The following KAT2A variants were observed in gnomAD, a reference collection of about 807,000 sequenced individuals.
KAT2A encodes the protein lysine acetyltransferase 2A.
Under a neutral mutation model 95.2 loss-of-function variants are expected in KAT2A, and 42 were observed. That is an observed-to-expected ratio of 0.44 (90% confidence interval 0.34 to 0.57). The LOEUF (loss-of-function observed/expected upper bound fraction) is 0.57, where lower values mean the gene tolerates loss of function less well. Among genes scored for constraint, KAT2A ranks in the 20% least tolerant of loss-of-function variants. The pLI, the probability that KAT2A is intolerant of heterozygous loss-of-function variation, is 0.01. For synonymous variants in KAT2A, 449 were observed against 448.2 expected, an observed-to-expected ratio of 1.00 and a Z score of -0.02; for missense variants, 784 against 1,126.3, an observed-to-expected ratio of 0.70 and a Z score of 4.35.
chr17:42,118,745 C>T (rs1314055031), intron 6 of KAT2A, among the ~76,000 whole-genome samples: 12 of 152,226 alleles, frequency 7.9e-5, no homozygotes, highest in African/African-American at 2.7e-4. Flanking sequence ...GACTCCACCC[C>T]ACCTTGCCAT....
In KAT2A at chr17:42,117,019, G is replaced by A. The variant is rs782539607; in HGVS notation, c.1764+16C>T. 2.0e-5 allele frequency: 32 copies of A among 1,612,744 alleles called. No individual in the cohort carries two copies. The highest frequency in any genetic ancestry group is 4.5e-5 in the East Asian group (2 of 44,866). On this transcript the variant is annotated intron_variant, in intron 11 of 17. Transcript: ENST00000225916. This position sits in a 1 kb window ranked among gnomAD's most constrained non-coding sequence, Gnocchi z 8.9. The stretch of plus-strand genomic sequence containing the variant: ...TGGGCCGTGGACTGGGGCTGGGGCC[G>A]GGGAGCCGCGCTCACCTTGACCTGC...
In KAT2A at chr17:42,119,300, C is replaced by A. The variant is rs2054302922; in HGVS notation, c.1018G>T (p.Glu340Ter). 6.2e-7 allele frequency: 1 copy of A among 1,614,072 alleles called. No individual in the cohort carries two copies. The highest frequency in any genetic ancestry group is 8.5e-7 in the Non-Finnish European group (1 of 1,179,938). The change falls in exon 6 of 18, where the codon GAG becomes TAG. Residue 340 changes from glutamate to a stop codon, truncating the protein, a stop_gained. Transcript: ENST00000225916. LOFTEE classifies it high-confidence loss of function. This position sits in a 1 kb window ranked among gnomAD's most constrained non-coding sequence, Gnocchi z 5.3. ...RRQLLEKFRV[E>*]KDKLVPEKRT... The stretch of plus-strand genomic sequence containing the variant: ...TTCTCGGGCACCAATTTGTCCTTCT[C>A]CACTCGGAACTTTTCCAGCAGCTGC...
rs2144028592 is a variant in KAT2A, at chr17:42,114,423, C to G, written c.2135-29G>C. On this transcript the variant is annotated intron_variant, in intron 14 of 17. Coordinates refer to ENST00000225916, the MANE Select transcript of KAT2A (RefSeq NM_021078.3). The surrounding 1 kb of genome is among the most constrained non-coding windows in gnomAD (Gnocchi z 6.0). ...CAAAGTGGGAAGTGGGAGAATGTCTCTAAGAATGCCAGTCCACACCCCAAG... is the reference window on the plus strand; with the variant it reads ...CAAAGTGGGAAGTGGGAGAATGTCTGTAAGAATGCCAGTCCACACCCCAAG... The G allele has an allele frequency of 1.2e-6, 2 of 1,613,960 alleles. No individual in the cohort carries two copies. The highest frequency in any genetic ancestry group is 1.7e-6 in the Non-Finnish European group (2 of 1,179,896).
rs1598233748 is a variant in KAT2A, at chr17:42,119,541, T to G, written c.877A>C (p.Thr293Pro). ...GCTGCCCCTGGCTGGGCCTACCTGG[T>G]GTAATTGACCTTGTAGGTAGCCACG... ...EDVATYKVNYTRWLCYCHVPQ... is the reference protein window; with the variant it reads ...EDVATYKVNYPRWLCYCHVPQ... Residue 293 changes from threonine to proline, a missense_variant, in exon 5 of 18, where the codon ACC becomes CCC. Thr to Pro is a conservative substitution (Grantham distance 38). Around this residue, in one of 6 missense-constraint regions of KAT2A, gnomAD observed 208 missense variants for 339.7 expected, o/e 0.61. Coordinates refer to ENST00000225916, the MANE Select transcript of KAT2A (RefSeq NM_021078.3). The surrounding 1 kb of genome is among the most constrained non-coding windows in gnomAD (Gnocchi z 5.3). 1 of 1,592,894 alleles carries G rather than the reference T, an allele frequency of 6.3e-7. No individual in the cohort carries two copies. Among genetic ancestry groups the G allele is most frequent in the Non-Finnish European group, 8.6e-7 (1 of 1,167,744 alleles).
chr17:42,115,558 G>T (rs2054245946), intron 12 of KAT2A, 165 bp downstream of exon 12: 1 of 625,502 alleles, frequency 1.6e-6, no homozygotes, highest in Non-Finnish European at 2.9e-6. Context: ...ATTCTCCCCT[G>T]GGGCAATGGC....
intron 17 of KAT2A, 63 bp downstream of exon 17, chr17:42,113,937 T>G (rs2054210299): frequency 6.8e-7 from 1 of 1,477,502 alleles, no homozygotes; most frequent in Non-Finnish European, 9.0e-7. Flanking sequence ...CAGGGCGCAG[T>G]GAGGGCAGGA....
At position 42,114,462 on chromosome 17, in the gene KAT2A, C is replaced by T. The variant is rs2144028743; in HGVS notation, c.2134+28G>A. 1.9e-6 allele frequency: 3 copies of T among 1,613,278 alleles called. No homozygotes were observed. The highest frequency in any genetic ancestry group is 8.5e-7 in the Non-Finnish European group (1 of 1,179,200). On this transcript the variant is annotated intron_variant, in intron 14 of 17. Transcript: ENST00000225916. This position sits in a 1 kb window ranked among gnomAD's most constrained non-coding sequence, Gnocchi z 6.0. ...CCACACCCCAAGCATCGTGCCCCCA[C>T]TACCCTGCAACTGAGACCCCTGCTT... is the stretch of plus-strand genomic sequence containing the variant.
rs2054193411 is a variant in KAT2A, at chr17:42,113,148, G to A, written c.*501C>T. On this transcript the variant is annotated 3_prime_UTR_variant, in exon 18 of 18. Transcript: ENST00000225916. ...AAAAGCTTTATTATTCCCTCTAAGG[G>A]ATTAATGCCAGGGAATGAATGGTCC... 6.5e-6 allele frequency: 1 copy of A among 154,026 alleles called. No individual in the cohort carries two copies. The highest frequency in any genetic ancestry group is 2.4e-5 in the African/African-American group (1 of 41,470). 9.5% of individuals were successfully genotyped at this position (154,026 alleles called of 1,614,324 possible).
chr17:42,119,808 A>G lies in KAT2A; in HGVS notation c.700-90T>C. The G allele has an allele frequency of 8.3e-7, 1 of 1,198,330 alleles. No individual in the cohort carries two copies. Among genetic ancestry groups the G allele is most frequent in the South Asian group, 1.5e-5 (1 of 66,432 alleles). The allele number at this position is 1,198,330 out of a possible 1,614,324, so 74.2% of individuals were successfully genotyped here. A position where few individuals can be genotyped will look rare whatever the true frequency, so the allele number is the denominator to read the frequency against. On this transcript the variant is annotated intron_variant, in intron 4 of 17. Coordinates refer to ENST00000225916, the MANE Select transcript of KAT2A (RefSeq NM_021078.3). The surrounding 1 kb of genome is among the most constrained non-coding windows in gnomAD (Gnocchi z 5.3). ...AGACAAAGGAAGATGCTCCCTGGCC[A>G]GGGACAAGGTTCTCCTTCTCCTCTC...
Position 42,119,372 on chromosome 17 carries a change from C to T in KAT2A, c.946G>A (p.Val316Ile). ...GACCGGAGAAGGCTTCGCCCAAAGA[C>T]ATGAGTGGTTTCGTAGCGGGGGAGG... is the stretch of plus-strand genomic sequence containing the variant. The part of the protein sequence containing the change: ...DSLPRYETTH[V>I]FGRSLLRSIF... The change falls in exon 6 of 18, where the codon GTC becomes ATC. Residue 316 changes from valine to isoleucine, a missense_variant. Coordinates refer to ENST00000225916, the MANE Select transcript of KAT2A (RefSeq NM_021078.3). This position sits in a 1 kb window ranked among gnomAD's most constrained non-coding sequence, Gnocchi z 5.3. 1 of 1,614,022 alleles carries T rather than the reference C, an allele frequency of 6.2e-7. No individual in the cohort carries two copies. Among genetic ancestry groups the T allele is most frequent in the Non-Finnish European group, 8.5e-7 (1 of 1,179,954 alleles).
In KAT2A at chr17:42,114,210, T is replaced by G. The variant is rs1598227376; in HGVS notation, c.2235+9A>C. 6.3e-7 allele frequency: 1 copy of G among 1,591,964 alleles called. No homozygotes were observed. The highest frequency in any genetic ancestry group is 8.6e-7 in the Non-Finnish European group (1 of 1,168,334). On this transcript the variant is annotated intron_variant, in intron 16 of 17. Transcript: ENST00000225916. The surrounding 1 kb of genome is among the most constrained non-coding windows in gnomAD (Gnocchi z 6.0). ...CAGGGGCCCTGGAAAGGAAACCTGG[T>G]CTCCCCACCTTGATTTGGGCCAGCA...
At chr17:42,116,840 T>G (rs1159139926) in intron 11 of KAT2A, among the ~76,000 whole-genome samples, 195 bp downstream of exon 11, 1 of 152,382 alleles carries the variant, frequency 6.6e-6, no homozygotes, top group African/African-American at 2.4e-5. Context: ...CTGCTTGGGC[T>G]CCGTCTGTCA....
rs1277294309 is a variant in KAT2A, at chr17:42,121,046, C to A, written c.259G>T (p.Ala87Ser). ...ARPGLSQQQR[A>S]SQRKAQVRGL... ...CGGACTTGCGCCTTCCTCTGACTGG[C>A]GCGCTGCTGCTGGCTCAGGCCAGGT... The change falls in exon 1 of 18, where the codon GCC becomes TCC. Residue 87 changes from alanine (A) to serine (S), a missense_variant. This residue lies in a region of KAT2A where 208 missense variants were observed against 339.7 expected (regional missense o/e 0.61). Transcript: ENST00000225916. 3.2e-6 allele frequency: 5 copies of A among 1,587,272 alleles called. No individual in the cohort carries two copies. Among genetic ancestry groups the A allele is most frequent in the Non-Finnish European group, 3.4e-6 (4 of 1,168,964 alleles).
Position 42,120,138 on chromosome 17 carries a change from G to T in KAT2A, c.610-19C>A, listed in dbSNP as rs782251302. 43 of 1,613,748 alleles carry T rather than the reference G, an allele frequency of 2.7e-5. No homozygotes were observed. The South Asian group carries it at 4.6e-4, about 17-fold the overall frequency. On this transcript the variant is annotated intron_variant, in intron 3 of 17. Transcript: ENST00000225916. ...GCAGTAGCTAGAGAGAAGAGGAAGG[G>T]GGCATAGAGGGGAGGGGGGCAGAGC...
intron 11 of KAT2A, 146 bp from the exon 12 acceptor site, chr17:42,115,979 C>CA (rs1361536996): frequency 3.0e-6 from 2 of 657,878 alleles, no homozygotes; most frequent in African/African-American, 3.6e-5. Flanking sequence ...AGGCAGCTGA[C>CA]AGAGGAAGGG....
In KAT2A at chr17:42,114,386, C is replaced by T; in HGVS notation, c.2143G>A (p.Gly715Ser). The change falls in exon 15 of 18, where the codon GGC becomes AGC. Residue 715 changes from glycine (G) to serine (S), a missense_variant. Around this residue, in one of 6 missense-constraint regions of KAT2A, gnomAD observed 195 missense variants for 247.1 expected, o/e 0.79. Transcript: ENST00000225916. This position sits in a 1 kb window ranked among gnomAD's most constrained non-coding sequence, Gnocchi z 6.0. ...VESVPGIRET[G>S]WKPLGKEKGK... ...TTCTCCTTCCCCAATGGCTTCCAGCCTGTCTCTCCTGCAAAGTGGGAAGTG... is the reference window on the plus strand; with the variant it reads ...TTCTCCTTCCCCAATGGCTTCCAGCTTGTCTCTCCTGCAAAGTGGGAAGTG... 6.2e-7 allele frequency: 1 copy of T among 1,614,098 alleles called. No individual in the cohort carries two copies. The highest frequency in any genetic ancestry group is 8.5e-7 in the Non-Finnish European group (1 of 1,179,966).
Position 42,114,135 on chromosome 17 carries a change from C to A in KAT2A, c.2236-51G>T. Reference sequence around the variant, plus strand: ...CAGCCCTGCTGCGCCCACGCCAGCCCGAGACCACTACCCACCCCACACTGC... The same window carrying A: ...CAGCCCTGCTGCGCCCACGCCAGCCAGAGACCACTACCCACCCCACACTGC... On this transcript the variant is annotated intron_variant, in intron 16 of 17. Transcript: ENST00000225916. The surrounding 1 kb of genome is among the most constrained non-coding windows in gnomAD (Gnocchi z 6.0). 6.4e-7 allele frequency: 1 copy of A among 1,574,636 alleles called. No individual in the cohort carries two copies. Among genetic ancestry groups the A allele is most frequent in the Non-Finnish European group, 8.6e-7 (1 of 1,163,458 alleles).
At chr17:42,116,088 C>T (rs2054254366) in intron 11 of KAT2A, among the ~76,000 whole-genome samples, 1 of 152,196 alleles carries the variant, frequency 6.6e-6, no homozygotes, top group South Asian at 2.1e-4. Context: ...AAATTAACCC[C>T]AGAGGCGAGT....
chr17:42,116,250 G>A (rs1195737270), intron 11 of KAT2A, among the ~76,000 whole-genome samples: 6 of 152,314 alleles, frequency 3.9e-5, no homozygotes, highest in East Asian at 1.9e-4. Flanking sequence ...TGGGAGAAGC[G>A]GGAGAGGGAG....
Sources: gnomAD v4.1 joint callset for allele counts (sites outside exome capture counted in the v4.1 genomes callset) on GRCh38, gnomAD v4.1.1 for gene constraint, gnomAD v4.1.1 regional missense constraint, Gnocchi (gnomAD v3.1) non-coding constraint, MANE v1.5 for transcripts, NCBI Gene and HGNC (gene_info 2026-07-23, HGNC 2026-07-21) for gene names.